The following AKAP6 variants were observed in gnomAD, a reference collection of about 807,000 sequenced individuals.
AKAP6 encodes the protein A-kinase anchor protein 6.
AKAP6 carries 58 observed loss-of-function variants against 188.5 expected under a neutral mutation model. The ratio of observed to expected loss-of-function variants is 0.31; its 90% CI spans 0.25 to 0.38. The LOEUF is 0.38. Among genes scored for constraint, AKAP6 ranks in the 10% least tolerant of loss-of-function variants. The pLI is 1.00. For synonymous variants in AKAP6, 989 were observed against 998.6 expected (o/e 0.99, Z 0.18); for missense variants, 2,710 against 2,740.0 (o/e 0.99, Z 0.24).
chr14:32,516,978 G>C (rs553249734), intron 2 of AKAP6, among the ~76,000 whole-genome samples: 2 of 152,284 alleles, frequency 1.3e-5, no homozygotes, highest in African/African-American at 4.8e-5. Flanking sequence ...TAGTCAACTT[G>C]AAGCTAGATT....
intron 7 of AKAP6, among the ~76,000 whole-genome samples, chr14:32,642,892 T>C (rs538625778): frequency 1.3e-4 from 20 of 152,294 alleles, no homozygotes; most frequent in African/African-American, 4.3e-4. Flanking sequence ...TTAAAGTATA[T>C]CAGTATTAAT....
chr14:32,377,853 G>T (rs1277175870), intron 1 of AKAP6, among the ~76,000 whole-genome samples: 1 of 152,104 alleles, frequency 6.6e-6, no homozygotes, highest in Non-Finnish European at 1.5e-5. Flanking sequence ...ACTGTACTTG[G>T]AGTATATTTT....
At chr14:32,477,972 C>T (rs557209457) in intron 2 of AKAP6, among the ~76,000 whole-genome samples, 1 of 152,250 alleles carries the variant, frequency 6.6e-6, no homozygotes, top group African/African-American at 2.4e-5. Flanking sequence ...CCATAGTGAG[C>T]ACTTTATAAA....
intron 12 of AKAP6, among the ~76,000 whole-genome samples, chr14:32,775,954 G>A (rs1017880152): frequency 6.6e-6 from 1 of 152,234 alleles, no homozygotes; most frequent in South Asian, 2.1e-4. Flanking sequence ...GGAATGAAGA[G>A]AGTGGTCTAA....
chr14:32,383,087 ATGTGTGTGTGTGTGTG>A (rs3031402), intron 1 of AKAP6, among the ~76,000 whole-genome samples: 110 of 143,258 alleles, frequency 7.7e-4, no homozygotes, highest in African/African-American at 1.4e-3. Flanking sequence ...GGCAGATTTT[ATGTGTGTGTGTGTGTG>A]TGTGTGTGTG....
chr14:32,619,727 T>C (rs983046535), intron 7 of AKAP6, among the ~76,000 whole-genome samples: 2 of 152,128 alleles, frequency 1.3e-5, no homozygotes, highest in African/African-American at 4.8e-5. Context: ...TGATATTTAA[T>C]AGGAATTGCA....
At chr14:32,609,745 G>A (rs114365636) in intron 7 of AKAP6, among the ~76,000 whole-genome samples, 2,160 of 152,204 alleles carry the variant, frequency 0.014, 53 homozygotes, top group African/African-American at 0.049. Flanking sequence ...AACGAAGCAT[G>A]TGTCCAGTGA....
At chr14:32,438,176 T>C (rs762753335) in intron 2 of AKAP6, among the ~76,000 whole-genome samples, 1 of 152,130 alleles carries the variant, frequency 6.6e-6, no homozygotes, top group Non-Finnish European at 1.5e-5. Flanking sequence ...CAAGGCCCAA[T>C]ATGTTTGGGG....
intron 7 of AKAP6, chr14:32,616,950 A>G (rs1886606070): frequency 6.6e-6 from 1 of 152,128 alleles, no homozygotes; most frequent in Non-Finnish European, 1.5e-5. Context: ...CCCTTTGCTC[A>G]CTGTCCCCTG....
chr14:32,608,133 T>A (rs1185544514), intron 7 of AKAP6, among the ~76,000 whole-genome samples: 1 of 152,072 alleles, frequency 6.6e-6, no homozygotes, highest in Non-Finnish European at 1.5e-5. Flanking sequence ...TCTCTTGAGA[T>A]GACTGAAAAA....
chr14:32,448,941 T>C (rs113721415), intron 2 of AKAP6, among the ~76,000 whole-genome samples: 1 of 152,328 alleles, frequency 6.6e-6, no homozygotes, highest in Non-Finnish European at 1.5e-5. Flanking sequence ...ACAATCTTGA[T>C]TCTACAATGT....
chr14:32,564,163 T>C (rs978254706), intron 4 of AKAP6, among the ~76,000 whole-genome samples: 1 of 152,192 alleles, frequency 6.6e-6, no homozygotes, highest in African/African-American at 2.4e-5. Flanking sequence ...CTGTATTGTT[T>C]AGAGAATAAT....
Position 32,800,163 on chromosome 14 carries a change from CACATATATATACATATATATAT to C in AKAP6, c.3589-21235_3589-21214del, listed in dbSNP as rs1566720856. Among the ~76,000 whole-genome samples the C allele has an allele frequency of 7.6e-5, 4 of 52,700 alleles. No homozygotes were observed. The South Asian group carries it at 1.4e-3, about 19-fold the overall frequency. The allele number at this position is 52,700 out of a possible 152,430, so 34.6% of individuals were successfully genotyped here. A position where few individuals can be genotyped will look rare whatever the true frequency, so the allele number is the denominator to read the frequency against. Reference sequence around the variant, plus strand: ...ATACACACATATATACATATATATACACATATATATACATATATATATACACATATATATACATATATATACA... The same window carrying C: ...ATACACACATATATACATATATATACACACATATATATACATATATATACA... On this transcript the variant is annotated intron_variant, in intron 12 of 13. Coordinates refer to ENST00000280979, the MANE Select transcript of AKAP6 (RefSeq NM_004274.5).
At chr14:32,368,987 G>GT (rs1465467328) in intron 1 of AKAP6, among the ~76,000 whole-genome samples, 1 of 152,152 alleles carries the variant, frequency 6.6e-6, no homozygotes, top group Non-Finnish European at 1.5e-5. Flanking sequence ...ACTCTTTAAA[G>GT]TTAGGCATAT....
At chr14:32,632,042 C>T (rs1225520379) in intron 7 of AKAP6, among the ~76,000 whole-genome samples, 3 of 151,922 alleles carry the variant, frequency 2.0e-5, no homozygotes, top group East Asian at 3.9e-4. Context: ...TCCCTCAAGG[C>T]TTATAAACAT....
chr14:32,469,602 C>T (rs1878655776), intron 2 of AKAP6, among the ~76,000 whole-genome samples: 1 of 151,972 alleles, frequency 6.6e-6, no homozygotes, highest in South Asian at 2.1e-4. Context: ...ATTGTAGCAC[C>T]ACCTACTGTT....
At chr14:32,792,526 G>A (rs942636702) in intron 12 of AKAP6, among the ~76,000 whole-genome samples, 6 of 152,114 alleles carry the variant, frequency 3.9e-5, no homozygotes, top group Non-Finnish European at 7.4e-5. Flanking sequence ...GGGCTGAGAC[G>A]ATGGGGTTTT....
intron 12 of AKAP6, among the ~76,000 whole-genome samples, chr14:32,809,617 G>A (rs886499226): frequency 2.6e-5 from 4 of 152,160 alleles, no homozygotes; most frequent in Non-Finnish European, 4.4e-5. Context: ...TAATAAATGA[G>A]TTCCTAAAGT....
At chr14:32,654,862 A>T (rs1296155762) in intron 7 of AKAP6, among the ~76,000 whole-genome samples, 1 of 152,046 alleles carries the variant, frequency 6.6e-6, no homozygotes, top group African/African-American at 2.4e-5. Context: ...AATAAAAAAA[A>T]AAAGTATTAT....
Sources: allele counts gnomAD v4.1 joint callset (sites outside exome capture counted in the v4.1 genomes callset), GRCh38; gene constraint gnomAD v4.1.1; transcripts MANE v1.5; gene names NCBI Gene and HGNC (gene_info 2026-07-23, HGNC 2026-07-21).